The following SMIM41 variants were observed in gnomAD, a reference collection of about 807,000 sequenced individuals.
The protein encoded by SMIM41 is small integral membrane protein 41.
chr12:52,095,000 C>T (rs1462286489), intron 2 of SMIM41: 3 of 147,244 alleles, frequency 2.0e-5, no homozygotes, highest in East Asian at 3.9e-4. Flanking sequence ...GGCTGGAGTG[C>T]AGTGGTGTGA....
intron 2 of SMIM41, among the ~76,000 whole-genome samples, chr12:52,098,490 G>A (rs1332808054): frequency 2.3e-5 from 3 of 129,396 alleles, no homozygotes; most frequent in African/African-American, 9.4e-5. Flanking sequence ...CTCCCCTCAT[G>A]AATATTAAGA....
intron 1 of SMIM41, chr12:52,082,165 T>C (rs1301349847): frequency 1.3e-5 from 2 of 152,316 alleles, no homozygotes; most frequent in East Asian, 3.9e-4. Context: ...TCAGCTGGAA[T>C]AAACATCCGT....
At chr12:52,088,531 C>CT (rs1939927999) in intron 2 of SMIM41, among the ~76,000 whole-genome samples, 1 of 152,224 alleles carries the variant, frequency 6.6e-6, no homozygotes, top group Non-Finnish European at 1.5e-5. Flanking sequence ...GGTTCTGCAT[C>CT]TTAGAGGATG....
intron 2 of SMIM41, among the ~76,000 whole-genome samples, chr12:52,099,168 G>C (rs1940165755): frequency 6.6e-6 from 1 of 152,094 alleles, no homozygotes; most frequent in East Asian, 1.9e-4. Flanking sequence ...GTCGCCCTCT[G>C]GATATTAGGA....
At chr12:52,106,124 T>C (rs2091674) in intron 2 of SMIM41, among the ~76,000 whole-genome samples, 3,316 of 152,324 alleles carry the variant, frequency 0.022, 102 homozygotes, top group East Asian at 0.16. Flanking sequence ...TTTCCCTGCA[T>C]TCCAGACAGG....
intron 2 of SMIM41, chr12:52,092,320 A>G (rs1316902159): frequency 2.0e-5 from 3 of 152,252 alleles, no homozygotes; most frequent in Admixed American, 6.5e-5. Flanking sequence ...AATGATGAAT[A>G]TTTCAAAACC....
At chr12:52,089,943 G>A (rs1006890740) in intron 2 of SMIM41, among the ~76,000 whole-genome samples, 2 of 152,128 alleles carry the variant, frequency 1.3e-5, no homozygotes, top group African/African-American at 2.4e-5. Context: ...GTCTTTTTTG[G>A]GGGGGACACA....
chr12:52,085,114 C>T (rs1939875060), intron 2 of SMIM41, among the ~76,000 whole-genome samples: 1 of 152,170 alleles, frequency 6.6e-6, no homozygotes, highest in Admixed American at 6.5e-5. Context: ...AAAACCCAAA[C>T]TATATTTGGC....
At chr12:52,103,938 T>A (rs140576020) in intron 2 of SMIM41, among the ~76,000 whole-genome samples, 1 of 152,172 alleles carries the variant, frequency 6.6e-6, no homozygotes, top group African/African-American at 2.4e-5. Flanking sequence ...CTGGAGATGA[T>A]GGCGGTGATG....
At chr12:52,086,011 T>C (rs1042619480) in intron 2 of SMIM41, among the ~76,000 whole-genome samples, 7 of 151,086 alleles carry the variant, frequency 4.6e-5, no homozygotes, top group Non-Finnish European at 1.0e-4. Flanking sequence ...CTGCTGGAGG[T>C]GGAAAGTAAA....
intron 2 of SMIM41, among the ~76,000 whole-genome samples, chr12:52,102,730 A>C (rs1448435114): frequency 6.6e-6 from 1 of 152,230 alleles, no homozygotes; most frequent in Non-Finnish European, 1.5e-5. Flanking sequence ...AACGAGAGGG[A>C]AGTAGGAATG....
intron 2 of SMIM41, chr12:52,092,306 G>C (rs1391988706): frequency 6.6e-6 from 1 of 152,218 alleles, no homozygotes; most frequent in Non-Finnish European, 1.5e-5. Flanking sequence ...TGTCATTTGA[G>C]AGAAATGATG....
At chr12:52,086,962 G>A (rs1404481136) in intron 2 of SMIM41, among the ~76,000 whole-genome samples, 1 of 152,164 alleles carries the variant, frequency 6.6e-6, no homozygotes, top group Non-Finnish European at 1.5e-5. Flanking sequence ...GCTGCTGGGT[G>A]CCCCCAAAGA....
At chr12:52,101,633 T>C (rs973998614) in intron 2 of SMIM41, among the ~76,000 whole-genome samples, 1 of 152,220 alleles carries the variant, frequency 6.6e-6, no homozygotes, top group African/African-American at 2.4e-5. Context: ...CCAGACGCTT[T>C]GGTAAGAAGC....
rs777292486 is a variant in SMIM41, at chr12:52,081,413, C to G, written c.*120+1232C>G. On this transcript the variant is annotated intron_variant, in intron 1 of 2. Transcript: ENST00000546390. The surrounding 1 kb of genome is among the most constrained non-coding windows in gnomAD (Gnocchi z 4.1). ...TAAGCAGCTGCGAAGCTAACGACAA[C>G]GTGTGATCCCTGCCCAGCAGCCCAG... Among the ~76,000 whole-genome samples, 2 of 152,054 alleles carry G rather than the reference C, an allele frequency of 1.3e-5. No individual in the cohort carries two copies. Among genetic ancestry groups the G allele is most frequent in the African/African-American group, 4.8e-5 (2 of 41,388 alleles).
chr12:52,099,939 A>T (rs1032262547), intron 2 of SMIM41, among the ~76,000 whole-genome samples: 129 of 151,486 alleles, frequency 8.5e-4, no homozygotes, highest in African/African-American at 3.1e-3. Flanking sequence ...CTCTCCACCC[A>T]GGAAATTACT....
intron 2 of SMIM41, among the ~76,000 whole-genome samples, chr12:52,093,069 A>C (rs960370897): frequency 3.9e-5 from 6 of 152,212 alleles, no homozygotes; most frequent in African/African-American, 1.4e-4. Context: ...GCGGTGGTGC[A>C]CAGCTGTAGT....
At chr12:52,090,928 T>C (rs982790926) in intron 2 of SMIM41, among the ~76,000 whole-genome samples, 4 of 152,226 alleles carry the variant, frequency 2.6e-5, no homozygotes, top group Admixed American at 2.6e-4. Flanking sequence ...GCCCAAGAAG[T>C]ACTTTAGTGA....
chr12:52,096,772 T>A (rs1473562227), intron 2 of SMIM41, among the ~76,000 whole-genome samples: 1 of 151,762 alleles, frequency 6.6e-6, no homozygotes, highest in African/African-American at 2.4e-5. Flanking sequence ...ATAATTTATA[T>A]CAATTAATAA....
Sources: allele counts gnomAD v4.1 joint callset (sites outside exome capture counted in the v4.1 genomes callset), GRCh38; gene constraint gnomAD v4.1.1; non-coding constraint Gnocchi (gnomAD v3.1); transcripts MANE v1.5; gene names NCBI Gene and HGNC (gene_info 2026-07-23, HGNC 2026-07-21).